PTGER3: variants seen among roughly 807,000 people sequenced by gnomAD.
PTGER3 encodes the protein prostaglandin E receptor 3, also known as prostaglandin E2 receptor EP3 subtype.
In PTGER3, 22 loss-of-function variants were observed where a neutral mutation model predicts 34.7. The ratio of observed to expected loss-of-function variants is 0.63; its 90% CI spans 0.45 to 0.91. The LOEUF (loss-of-function observed/expected upper bound fraction) is 0.91, where lower values mean the gene tolerates loss of function less well. Among genes scored for constraint, PTGER3 ranks in the 40% least tolerant of loss-of-function variants. PTGER3 has a pLI of 0.00. For synonymous variants in PTGER3, 241 were observed against 230.1 expected (o/e 1.05, Z -0.43); for missense variants, 468 against 519.4 (o/e 0.90, Z 0.96).
intron 4 of PTGER3, among the ~76,000 whole-genome samples, chr1:70,935,693 A>ATATATATATATATT (rs1491421864): frequency 9.9e-5 from 14 of 140,726 alleles, no homozygotes; most frequent in African/African-American, 3.6e-4. Context: ...ATATATATAT[A>ATATATATATATATT]TGTTCTGCTT....
chr1:70,856,528 G>T (rs1164410158), intron 4 of PTGER3, among the ~76,000 whole-genome samples: 2 of 150,692 alleles, frequency 1.3e-5, no homozygotes, highest in Non-Finnish European at 2.9e-5. Flanking sequence ...GGTCACAAAT[G>T]ATGATCAAAA....
chr1:70,922,199 C>A (rs756121583), intron 4 of PTGER3, among the ~76,000 whole-genome samples: 10 of 152,002 alleles, frequency 6.6e-5, no homozygotes, highest in Non-Finnish European at 1.5e-4. Context: ...ATAAGCATAG[C>A]TTCTAGCTAT....
chr1:70,997,939 GTT>G (rs1656132473), intron 2 of PTGER3, among the ~76,000 whole-genome samples: 1 of 152,152 alleles, frequency 6.6e-6, no homozygotes, highest in South Asian at 2.1e-4. Flanking sequence ...CTCCCTAGTG[GTT>G]TTCTGGTATG....
intron 4 of PTGER3, among the ~76,000 whole-genome samples, chr1:70,865,125 G>A (rs995319699): frequency 2.0e-5 from 3 of 152,096 alleles, no homozygotes; most frequent in South Asian, 4.1e-4. Context: ...TCTACAATCC[G>A]TTTAGAATTT....
At chr1:71,020,129 CA>C (rs1365378046) in intron 1 of PTGER3, among the ~76,000 whole-genome samples, 2 of 152,128 alleles carry the variant, frequency 1.3e-5, no homozygotes, top group Non-Finnish European at 2.9e-5. Flanking sequence ...GATTAAGAAA[CA>C]ATTGTAGTCT....
At chr1:70,957,450 C>A (rs981212532) in intron 2 of PTGER3, among the ~76,000 whole-genome samples, 2 of 152,194 alleles carry the variant, frequency 1.3e-5, no homozygotes, top group Admixed American at 1.3e-4. Context: ...ATCTTTCCCA[C>A]CATGTGCTTT....
At chr1:70,928,389 T>A (rs1052630237) in intron 4 of PTGER3, among the ~76,000 whole-genome samples, 5 of 151,588 alleles carry the variant, frequency 3.3e-5, no homozygotes, top group African/African-American at 1.2e-4. Context: ...ATCCCAACTC[T>A]TTGGGAGCCA....
At chr1:71,045,156 C>A (rs1407592552) in intron 1 of PTGER3, among the ~76,000 whole-genome samples, 2 of 152,196 alleles carry the variant, frequency 1.3e-5, no homozygotes, top group Non-Finnish European at 2.9e-5. Context: ...CATAACACTC[C>A]TTGTCCCCTC....
chr1:70,872,318 C>A (rs1177694500), intron 4 of PTGER3, among the ~76,000 whole-genome samples: 1 of 152,108 alleles, frequency 6.6e-6, no homozygotes, highest in African/African-American at 2.4e-5. Flanking sequence ...ATTTTTAAAT[C>A]TTGTAAACAG....
At chr1:71,031,299 C>T (rs1157718430) in intron 1 of PTGER3, among the ~76,000 whole-genome samples, 1 of 151,768 alleles carries the variant, frequency 6.6e-6, no homozygotes, top group Non-Finnish European at 1.5e-5. Context: ...TGCACACACG[C>T]ACATGTGCAC....
intron 2 of PTGER3, among the ~76,000 whole-genome samples, chr1:70,962,722 C>T (rs184281259): frequency 6.6e-6 from 1 of 152,172 alleles, no homozygotes. Context: ...CAGGTCCCTC[C>T]CACAACATGT....
intron 4 of PTGER3, among the ~76,000 whole-genome samples, chr1:70,887,305 A>C (rs1289353637): frequency 6.6e-6 from 1 of 152,140 alleles, no homozygotes; most frequent in African/African-American, 2.4e-5. Context: ...TTCATGCATG[A>C]CTTGGTATAG....
intron 4 of PTGER3, among the ~76,000 whole-genome samples, chr1:70,863,589 C>T (rs964258956): frequency 2.0e-5 from 3 of 152,162 alleles, no homozygotes. Context: ...GTTACGAAAT[C>T]ACTTATGTGG....
intron 4 of PTGER3, among the ~76,000 whole-genome samples, chr1:70,921,500 T>A (rs1168796610): frequency 6.6e-6 from 1 of 152,158 alleles, no homozygotes; most frequent in African/African-American, 2.4e-5. Flanking sequence ...CTGTAGCAAA[T>A]CTGCTGTGCT....
At chr1:71,013,847 A>G (rs907506259) in intron 1 of PTGER3, among the ~76,000 whole-genome samples, 2 of 152,176 alleles carry the variant, frequency 1.3e-5, no homozygotes, top group Non-Finnish European at 2.9e-5. Context: ...CATAATAGCA[A>G]AAAAAGCAGG....
intron 2 of PTGER3, among the ~76,000 whole-genome samples, chr1:70,981,554 A>G (rs1447338877): frequency 6.6e-6 from 1 of 151,692 alleles, no homozygotes; most frequent in East Asian, 1.9e-4. Flanking sequence ...GACTACAGGC[A>G]TGCATCACCA....
At chr1:70,998,947 C>T (rs1228241747) in intron 2 of PTGER3, among the ~76,000 whole-genome samples, 3 of 152,022 alleles carry the variant, frequency 2.0e-5, no homozygotes, top group African/African-American at 7.3e-5. Flanking sequence ...TTCAGGAGGC[C>T]GAGGAGGGCG....
chr1:70,876,051 C>T (rs925757811), intron 4 of PTGER3, among the ~76,000 whole-genome samples: 4 of 152,132 alleles, frequency 2.6e-5, no homozygotes, highest in Admixed American at 1.3e-4. Flanking sequence ...TTTACATTCC[C>T]GCCAGCAGTG....
chr1:71,022,512 T>C (rs1658511885), intron 1 of PTGER3, among the ~76,000 whole-genome samples: 1 of 151,940 alleles, frequency 6.6e-6, no homozygotes, highest in African/African-American at 2.4e-5. Flanking sequence ...GATACATTCT[T>C]ATTAAACTTT....
Sources: allele counts gnomAD v4.1 joint callset (sites outside exome capture counted in the v4.1 genomes callset), GRCh38; gene constraint gnomAD v4.1.1; transcripts MANE v1.5; gene names NCBI Gene and HGNC (gene_info 2026-07-23, HGNC 2026-07-21).